Variants in ITSN1 observed in about 807,000 individuals in gnomAD.
ITSN1 encodes intersectin-1.
Under a neutral mutation model 239.8 loss-of-function variants are expected in ITSN1, and 58 were observed. That is an observed-to-expected ratio of 0.24 (90% confidence interval 0.20 to 0.30). ITSN1 has a LOEUF of 0.30. Among genes scored for constraint, ITSN1 ranks in the 10% least tolerant of loss-of-function variants. ITSN1 has a pLI of 1.00. For missense variants in ITSN1, 1,558 were observed against 2,103.3 expected (o/e 0.74, Z 5.07); for synonymous variants, 780 against 770.8 (o/e 1.01, Z -0.20).
intron 5 of ITSN1, among the ~76,000 whole-genome samples, chr21:33,738,494 C>T (rs112108948): frequency 5.9e-5 from 9 of 151,916 alleles, no homozygotes; most frequent in East Asian, 2.0e-4. Context: ...CTCCGCCTCT[C>T]GAGTTCAAGC....
intron 4 of ITSN1, among the ~76,000 whole-genome samples, chr21:33,730,766 C>T (rs182501989): frequency 6.6e-6 from 1 of 151,620 alleles, no homozygotes; most frequent in East Asian, 1.9e-4. Flanking sequence ...GAGGTGCTAT[C>T]TTAGGTCACT....
At chr21:33,813,482 A>T (rs1384675487) in intron 21 of ITSN1, among the ~76,000 whole-genome samples, 1 of 151,260 alleles carries the variant, frequency 6.6e-6, no homozygotes, top group Non-Finnish European at 1.5e-5. Flanking sequence ...CCTCCTTAGT[A>T]GCTTGGATTA....
Position 33,734,700 on chromosome 21 carries a change from TTTTAG to T in ITSN1, c.186-339_186-335del, listed in dbSNP as rs758409630. ...TCGTTTAAAGTATCTAATTCATTGGTTTTAGTTTATTCACAGAGTTGTGCGACAGT... is the reference window on the plus strand; with the variant it reads ...TCGTTTAAAGTATCTAATTCATTGGTTTTATTCACAGAGTTGTGCGACAGT... On this transcript the variant is annotated intron_variant, in intron 4 of 39. Coordinates refer to ENST00000381318, the MANE Select transcript of ITSN1 (RefSeq NM_003024.3). Among the ~76,000 whole-genome samples the T allele has an allele frequency of 3.3e-5, 5 of 152,298 alleles. No homozygotes were observed. The East Asian group carries it at 5.8e-4, about 18-fold the overall frequency.
At chr21:33,647,296 A>C (rs1361388013) in intron 1 of ITSN1, among the ~76,000 whole-genome samples, 2 of 152,168 alleles carry the variant, frequency 1.3e-5, no homozygotes, top group Non-Finnish European at 2.9e-5. Context: ...TATTTCTTCA[A>C]ATCCTTTTGT....
intron 1 of ITSN1, among the ~76,000 whole-genome samples, chr21:33,687,229 T>G (rs1216390699): frequency 6.9e-6 from 1 of 145,658 alleles, no homozygotes; most frequent in Non-Finnish European, 1.5e-5. Flanking sequence ...AGACTCTGTC[T>G]CAAAAGAAAA....
chr21:33,752,149 T>C (rs553505654), intron 7 of ITSN1, among the ~76,000 whole-genome samples: 1 of 152,272 alleles, frequency 6.6e-6, no homozygotes, highest in East Asian at 1.9e-4. Context: ...TGTATTTTTT[T>C]TTTTTTAAAG....
chr21:33,667,081 A>C (rs990883792), intron 1 of ITSN1, among the ~76,000 whole-genome samples: 1 of 151,610 alleles, frequency 6.6e-6, no homozygotes, highest in Non-Finnish European at 1.5e-5. Context: ...CGGCCTCCCA[A>C]ATTCTGAGAT....
chr21:33,709,144 C>A (rs991297245), intron 1 of ITSN1, among the ~76,000 whole-genome samples: 7 of 152,108 alleles, frequency 4.6e-5, no homozygotes, highest in African/African-American at 1.7e-4. Context: ...ATCAGCTTGC[C>A]GATTTCTGCC....
intron 1 of ITSN1, among the ~76,000 whole-genome samples, chr21:33,708,818 C>T (rs902745934): frequency 1.3e-5 from 2 of 152,130 alleles, no homozygotes; most frequent in Non-Finnish European, 2.9e-5. Context: ...GCCTAGGACC[C>T]GTTTTGAATT....
Position 33,797,266 on chromosome 21 carries a change from TC to T in ITSN1, c.1953-110del, listed in dbSNP as rs1378697882. ...AGTTGCCCCATCTGAACAACAATGTTCCCTTGATGTTCCCATCCCATTTACT... is the reference window on the plus strand; with the variant it reads ...AGTTGCCCCATCTGAACAACAATGTTCCTTGATGTTCCCATCCCATTTACT... On this transcript the variant is annotated intron_variant, in intron 17 of 39. Transcript: ENST00000381318. The surrounding 1 kb of genome is among the most constrained non-coding windows in gnomAD (Gnocchi z 4.9). 2.5e-6 allele frequency: 2 copies of T among 793,926 alleles called. No individual in the cohort carries two copies. The highest frequency in any genetic ancestry group is 2.4e-5 in the East Asian group (1 of 40,904). 49.2% of individuals were successfully genotyped at this position (793,926 alleles called of 1,614,324 possible). A position where few individuals can be genotyped will look rare whatever the true frequency, so the allele number is the denominator to read the frequency against.
chr21:33,738,413 T>C (rs1439357594), intron 5 of ITSN1, among the ~76,000 whole-genome samples: 1 of 151,838 alleles, frequency 6.6e-6, no homozygotes, highest in Non-Finnish European at 1.5e-5. Context: ...ACCATTTATC[T>C]AAAGGCGAGA....
At chr21:33,886,855 G>A (rs959966881) in intron 39 of ITSN1, among the ~76,000 whole-genome samples, 2 of 152,152 alleles carry the variant, frequency 1.3e-5, no homozygotes, top group African/African-American at 4.8e-5. Flanking sequence ...CCGCAGAATG[G>A]GCCAGGTCCC....
intron 1 of ITSN1, among the ~76,000 whole-genome samples, chr21:33,648,717 C>T (rs1021712914): frequency 1.3e-5 from 2 of 152,062 alleles, no homozygotes; most frequent in African/African-American, 4.8e-5. Context: ...GTGATGCCCA[C>T]CTGTAGTCCT....
intron 29 of ITSN1, among the ~76,000 whole-genome samples, chr21:33,853,084 C>T (rs115154593): frequency 0.012 from 1,803 of 152,278 alleles, 33 homozygotes; most frequent in African/African-American, 0.041. Flanking sequence ...AAGCAGCCTC[C>T]CATGGGTCAA....
intron 33 of ITSN1, among the ~76,000 whole-genome samples, chr21:33,868,557 C>T (rs560857581): frequency 2.6e-5 from 4 of 152,332 alleles, no homozygotes; most frequent in East Asian, 1.9e-4. Context: ...GCCGCTGGCC[C>T]GGGTGCTAAG....
intron 24 of ITSN1, among the ~76,000 whole-genome samples, chr21:33,819,960 G>A (rs1174107730): frequency 1.3e-5 from 2 of 152,068 alleles, no homozygotes; most frequent in African/African-American, 2.4e-5. Context: ...CCGCAGTCCG[G>A]CCTGGGCGAC....
Position 33,895,572 on chromosome 21 carries a change from T to C in ITSN1, c.*7272T>C, listed in dbSNP as rs997800109. 3 of 151,426 alleles carry C rather than the reference T, an allele frequency of 2.0e-5. No individual in the cohort carries two copies. The highest frequency in any genetic ancestry group is 7.3e-5 in the African/African-American group (3 of 41,126). The allele number at this position is 151,426 out of a possible 1,614,324, so 9.4% of individuals were successfully genotyped here. A position where few individuals can be genotyped will look rare whatever the true frequency, so the allele number is the denominator to read the frequency against. The stretch of plus-strand genomic sequence containing the variant: ...GCACGCATGTGTGTGCGTGTATGTG[T>C]GCGTGTGTGCATGTTTGTGAGTGCA... On this transcript the variant is annotated 3_prime_UTR_variant, in exon 40 of 40. Transcript: ENST00000381318.
At chr21:33,740,592 A>T (rs2066784111) in intron 5 of ITSN1, among the ~76,000 whole-genome samples, 1 of 152,202 alleles carries the variant, frequency 6.6e-6, no homozygotes, top group African/African-American at 2.4e-5. Flanking sequence ...AGTGATAGGG[A>T]CAAAATCCTG....
chr21:33,657,740 C>CT (rs2146217028), intron 1 of ITSN1, among the ~76,000 whole-genome samples: 1 of 152,334 alleles, frequency 6.6e-6, no homozygotes, highest in African/African-American at 2.4e-5. Context: ...AATCCCAGCA[C>CT]TTTGGGAGGC....
Sources: allele counts gnomAD v4.1 joint callset (sites outside exome capture counted in the v4.1 genomes callset), GRCh38; gene constraint gnomAD v4.1.1; non-coding constraint Gnocchi (gnomAD v3.1); transcripts MANE v1.5; gene names NCBI Gene and HGNC (gene_info 2026-07-23, HGNC 2026-07-21).